Variants in ADARB2 observed in about 807,000 individuals in gnomAD.
ADARB2 encodes inactive double-stranded RNA-specific editase B2.
In ADARB2, 25 loss-of-function variants were observed where a neutral mutation model predicts 62.2. That is an observed-to-expected ratio of 0.40 (90% CI 0.29 to 0.56). The LOEUF is 0.56. ADARB2 is among the 20% of genes least tolerant of loss of function. The probability of loss-of-function intolerance (pLI) is 0.43; values close to 1 mark genes in which losing one functional copy is unlikely to be tolerated. For missense variants in ADARB2, 1,071 were observed against 1,077.4 expected (o/e 0.99, Z 0.08); for synonymous variants, 572 against 500.8 (o/e 1.14, Z -1.90).
intron 1 of ADARB2, among the ~76,000 whole-genome samples, chr10:1,462,703 GTGTATGTGCATGAC>G (rs891734356): frequency 1.3e-5 from 2 of 152,006 alleles, no homozygotes; most frequent in Non-Finnish European, 2.9e-5. Flanking sequence ...GTGTGCCTGT[GTGTATGTGCATGAC>G]TGTATGTGCA....
chr10:1,358,550 GTC>G (rs1259955652), intron 3 of ADARB2, among the ~76,000 whole-genome samples: 2 of 152,126 alleles, frequency 1.3e-5, no homozygotes, highest in African/African-American at 4.8e-5. Context: ...ACCGCTCCCA[GTC>G]TCTCCAAGTC....
chr10:1,182,246 A>G lies in ADARB2; in HGVS notation c.*947T>C, dbSNP rs957099263. On this transcript the variant is annotated 3_prime_UTR_variant, in exon 10 of 10. Transcript: ENST00000381312. Reference sequence around the variant, plus strand: ...CTCCTTATTACCTGGTAGGGAGGTTATAGGGTGGTAGCTAACCCTTACACA... The same window carrying G: ...CTCCTTATTACCTGGTAGGGAGGTTGTAGGGTGGTAGCTAACCCTTACACA... 2 of 152,316 alleles carry G rather than the reference A, an allele frequency of 1.3e-5. No homozygotes were observed. Among genetic ancestry groups the G allele is most frequent in the African/African-American group, 4.8e-5 (2 of 41,476 alleles). 9.4% of individuals were successfully genotyped at this position (152,316 alleles called of 1,614,324 possible).
At chr10:1,243,924 C>T (rs565283227) in intron 4 of ADARB2, among the ~76,000 whole-genome samples, 1 of 152,222 alleles carries the variant, frequency 6.6e-6, no homozygotes, top group Admixed American at 6.5e-5. Flanking sequence ...CGGGACTGCT[C>T]CTGAGCTCAG....
At chr10:1,583,049 T>G (rs12259438) in intron 1 of ADARB2, among the ~76,000 whole-genome samples, 90,646 of 152,100 alleles carry the variant, frequency 0.6, 27,313 homozygotes, top group African/African-American at 0.66. Flanking sequence ...CTCTTTCTCC[T>G]GGTGACTGCG....
At chr10:1,344,782 C>T (rs989604954) in intron 3 of ADARB2, among the ~76,000 whole-genome samples, 3 of 152,186 alleles carry the variant, frequency 2.0e-5, no homozygotes, top group Admixed American at 6.5e-5. Context: ...CCCAAATAAA[C>T]CAGGAGGTTG....
chr10:1,330,410 C>T (rs1218379395), intron 3 of ADARB2, among the ~76,000 whole-genome samples: 1 of 152,210 alleles, frequency 6.6e-6, no homozygotes, highest in Non-Finnish European at 1.5e-5. Context: ...ATTTGTAAAA[C>T]ATATACAAAA....
chr10:1,248,926 G>A (rs1028258523), intron 4 of ADARB2, among the ~76,000 whole-genome samples: 1 of 152,178 alleles, frequency 6.6e-6, no homozygotes, highest in Non-Finnish European at 1.5e-5. Flanking sequence ...CAAGGCAATT[G>A]TAAGTGTTCT....
chr10:1,694,993 A>G (rs1048343915), intron 1 of ADARB2, among the ~76,000 whole-genome samples: 1 of 152,150 alleles, frequency 6.6e-6, no homozygotes. Flanking sequence ...GCGACTCGCC[A>G]TGGTTCTCAG....
chr10:1,648,221 C>A (rs1270563412), intron 1 of ADARB2, among the ~76,000 whole-genome samples: 1 of 152,194 alleles, frequency 6.6e-6, no homozygotes, highest in Non-Finnish European at 1.5e-5. Context: ...CTGTGCTGCA[C>A]TTTCCCCTTT....
chr10:1,530,453 G>A (rs1374962392), intron 1 of ADARB2, among the ~76,000 whole-genome samples: 2 of 152,310 alleles, frequency 1.3e-5, no homozygotes, highest in Middle Eastern at 3.4e-3. Context: ...GTCCTCGTGA[G>A]TGCGTCTCAC....
chr10:1,412,608 C>T (rs7086723), intron 1 of ADARB2, among the ~76,000 whole-genome samples: 39,499 of 152,008 alleles, frequency 0.26, 5,467 homozygotes, highest in Middle Eastern at 0.4. Context: ...GAGGATGGGC[C>T]GGACCGCGTT....
Position 1,267,602 on chromosome 10 carries a change from CTCTT to C in ADARB2, c.1192+3349_1192+3352del, listed in dbSNP as rs368541939. Among the ~76,000 whole-genome samples, 19 of 152,272 alleles carry C rather than the reference CTCTT, an allele frequency of 1.2e-4. No homozygotes were observed. In the East Asian group the frequency reaches 1.7e-3, roughly 14 times the overall value. On this transcript the variant is annotated intron_variant, in intron 4 of 9. Transcript: ENST00000381312. ...CACGTATGGTAAAGGCACAATCTTC[CTCTT>C]TCTTTTTTTTCAATAAGAGAAAAAA...
At chr10:1,327,290 C>T (rs1421424879) in intron 3 of ADARB2, among the ~76,000 whole-genome samples, 3 of 36,264 alleles carry the variant, frequency 8.3e-5, no homozygotes, top group African/African-American at 3.6e-4. Flanking sequence ...TCCTCACTGC[C>T]CAGCGCCTCC....
At chr10:1,282,279 T>C (rs1284986780) in intron 3 of ADARB2, among the ~76,000 whole-genome samples, 1 of 152,238 alleles carries the variant, frequency 6.6e-6, no homozygotes, top group Non-Finnish European at 1.5e-5. Flanking sequence ...AAACCCGTCT[T>C]ACTGATAACC....
chr10:1,531,086 T>C (rs1801071319), intron 1 of ADARB2, among the ~76,000 whole-genome samples: 1 of 152,226 alleles, frequency 6.6e-6, no homozygotes, highest in African/African-American at 2.4e-5. Flanking sequence ...CCATGATAGC[T>C]GGCGATCCAC....
intron 1 of ADARB2, among the ~76,000 whole-genome samples, chr10:1,567,342 C>G (rs936235333): frequency 6.6e-6 from 1 of 152,202 alleles, no homozygotes; most frequent in East Asian, 1.9e-4. Context: ...GCTTTGAGCT[C>G]GCAGGCGTGA....
At chr10:1,545,388 T>C (rs1832503407) in intron 1 of ADARB2, among the ~76,000 whole-genome samples, 2 of 152,232 alleles carry the variant, frequency 1.3e-5, no homozygotes, top group Admixed American at 6.5e-5. Context: ...TGGGGGATGT[T>C]TGTAACAGTA....
rs999630352 is a variant in ADARB2, at chr10:1,685,850, G to T, written c.100+51201C>A. 2.0e-5 allele frequency among the ~76,000 whole-genome samples: 3 copies of T among 152,210 alleles called. No homozygotes were observed. The East Asian group carries it at 5.8e-4, about 29-fold the overall frequency. ...TGTGCCCCATGGGGCTGGGCTGGGGGAACAAGGACTTCAGCCCTCCAGTGG... is the reference window on the plus strand; with the variant it reads ...TGTGCCCCATGGGGCTGGGCTGGGGTAACAAGGACTTCAGCCCTCCAGTGG... On this transcript the variant is annotated intron_variant, in intron 1 of 9. Transcript: ENST00000381312.
chr10:1,480,436 C>T (rs559711064), intron 1 of ADARB2, among the ~76,000 whole-genome samples: 74 of 152,320 alleles, frequency 4.9e-4, no homozygotes, highest in African/African-American at 1.7e-3. Flanking sequence ...TGGTGGCTCA[C>T]GCCTGTAATC....
Sources: gnomAD v4.1 joint callset for allele counts (sites outside exome capture counted in the v4.1 genomes callset) on GRCh38, gnomAD v4.1.1 for gene constraint, MANE v1.5 for transcripts, NCBI Gene and HGNC (gene_info 2026-07-23, HGNC 2026-07-21) for gene names.